Variants in EXOC1 observed in about 807,000 individuals in gnomAD.
EXOC1 encodes SEC3-like 1.
In EXOC1, 67 loss-of-function variants were observed where a neutral mutation model predicts 107.7. That is an observed-to-expected ratio of 0.62 (90% CI 0.51 to 0.76). The LOEUF (loss-of-function observed/expected upper bound fraction) is 0.76, where lower values mean the gene tolerates loss of function less well. Ranked by LOEUF, EXOC1 falls within the 30% of genes least tolerant of loss-of-function variation. The pLI is 0.00. For synonymous variants in EXOC1, 348 were observed against 353.5 expected, an observed-to-expected ratio of 0.98 and a Z score of 0.17; for missense variants, 833 against 1,055.7, an observed-to-expected ratio of 0.79 and a Z score of 2.92.
At chr4:55,888,742 T>C in intron 10 of EXOC1, 146 bp from the exon 11 acceptor site, 1 of 724,418 alleles carries the variant, frequency 1.4e-6, no homozygotes, top group Non-Finnish European at 2.4e-6. Flanking sequence ...TAAACATGTG[T>C]TTGCACTTCT....
At chr4:55,885,010 G>C (rs1723733885) in intron 10 of EXOC1, among the ~76,000 whole-genome samples, 1 of 152,158 alleles carries the variant, frequency 6.6e-6, no homozygotes, top group East Asian at 1.9e-4. Context: ...TCTTGGGACA[G>C]TAGGCTTTCG....
chr4:55,877,360 T>A (rs1216110678), intron 8 of EXOC1: 4 of 984,808 alleles, frequency 4.1e-6, no homozygotes, highest in Non-Finnish European at 4.8e-6. Context: ...TGCCTTTTGC[T>A]TGTTGTTGGG....
At chr4:55,867,141 A>G (rs1489380542) in intron 4 of EXOC1, among the ~76,000 whole-genome samples, 1 of 152,228 alleles carries the variant, frequency 6.6e-6, no homozygotes, top group Non-Finnish European at 1.5e-5. Context: ...GGACCTGTAC[A>G]GAATGATTTG....
chr4:55,864,166 T>C lies in EXOC1; in HGVS notation c.256-61T>C, dbSNP rs112931291. Reference sequence around the variant, plus strand: ...ACAGCGTAAATGCCTATGCAGATTTTACATTAACAATGTAAAAGGATGTGA... The same window carrying C: ...ACAGCGTAAATGCCTATGCAGATTTCACATTAACAATGTAAAAGGATGTGA... On this transcript the variant is annotated intron_variant, in intron 3 of 18. Coordinates refer to ENST00000381295, the MANE Select transcript of EXOC1 (RefSeq NM_001024924.2). 7 of 1,152,866 alleles carry C rather than the reference T, an allele frequency of 6.1e-6. No individual in the cohort carries two copies. The African/African-American group carries it at 1.1e-4, about 18-fold the overall frequency. 71.4% of individuals were successfully genotyped at this position (1,152,866 alleles called of 1,614,324 possible). A position where few individuals can be genotyped will look rare whatever the true frequency, so the allele number is the denominator to read the frequency against.
At chr4:55,865,684 T>C (rs1442749565) in intron 4 of EXOC1, among the ~76,000 whole-genome samples, 1 of 152,204 alleles carries the variant, frequency 6.6e-6, no homozygotes, top group African/African-American at 2.4e-5. Flanking sequence ...ATGTTATTTA[T>C]TGTGTAAGGT....
intron 17 of EXOC1, among the ~76,000 whole-genome samples, chr4:55,900,955 C>T (rs1725829720): frequency 6.6e-6 from 1 of 152,156 alleles, no homozygotes; most frequent in African/African-American, 2.4e-5. Flanking sequence ...TAATCAAATG[C>T]AGAACTAATT....
At chr4:55,873,520 G>A (rs1722629572) in intron 8 of EXOC1, among the ~76,000 whole-genome samples, 1 of 152,086 alleles carries the variant, frequency 6.6e-6, no homozygotes, top group African/African-American at 2.4e-5. Context: ...GTAAACAATA[G>A]TCTTTTCTGT....
At chr4:55,859,958 G>A (rs868306334) in intron 2 of EXOC1, among the ~76,000 whole-genome samples, 2 of 152,182 alleles carry the variant, frequency 1.3e-5, no homozygotes, top group African/African-American at 4.8e-5. Context: ...AGTGGCTCAT[G>A]CCTGTAATTC....
At chr4:55,861,328 C>T (rs889455400) in intron 3 of EXOC1, among the ~76,000 whole-genome samples, 2 of 152,094 alleles carry the variant, frequency 1.3e-5, no homozygotes, top group Non-Finnish European at 2.9e-5. Context: ...AATAGCAAGG[C>T]TTATACTAGT....
intron 15 of EXOC1, among the ~76,000 whole-genome samples, chr4:55,894,477 T>A (rs866402271): frequency 6.6e-6 from 1 of 152,040 alleles, no homozygotes; most frequent in African/African-American, 2.4e-5. Context: ...ATTTGATTAT[T>A]TTAATTATTT....
At chr4:55,867,507 A>G (rs1722060679) in intron 4 of EXOC1, among the ~76,000 whole-genome samples, 2 of 150,284 alleles carry the variant, frequency 1.3e-5, no homozygotes, top group African/African-American at 4.9e-5. Flanking sequence ...GATTTCTTTC[A>G]TTTTACCTCC....
rs756778427 is a variant in EXOC1 at position 55,858,455 on chromosome 4, T to C, written c.124+8T>C. The C allele has an allele frequency of 2.5e-6, 4 of 1,579,608 alleles. No individual in the cohort carries two copies. The South Asian group carries it at 4.8e-5, about 19-fold the overall frequency. On this transcript the variant is annotated splice_region_variant and intron_variant, in intron 2 of 18. Transcript: ENST00000381295. ...GTTTTTTATGTGCCACAGGTGGGTATTTAGTAAGAAAGAGTACTTGTTTTG... is the reference window on the plus strand; with the variant it reads ...GTTTTTTATGTGCCACAGGTGGGTACTTAGTAAGAAAGAGTACTTGTTTTG...
At chr4:55,862,956 G>A (rs554270387) in intron 3 of EXOC1, among the ~76,000 whole-genome samples, 50 of 152,060 alleles carry the variant, frequency 3.3e-4, no homozygotes, top group African/African-American at 9.2e-4. Flanking sequence ...GCTGGAGTGC[G>A]GTGGCACAAT....
rs1054227606 is a variant in EXOC1, at chr4:55,902,523, A to C, written c.2517A>C (p.Glu839Asp). 4.6e-6 allele frequency: 7 copies of C among 1,519,178 alleles called. No individual in the cohort carries two copies. Among genetic ancestry groups the C allele is most frequent in the Non-Finnish European group, 6.1e-6 (7 of 1,140,008 alleles). The allele number at this position is 1,519,178 out of a possible 1,614,324, so 94.1% of individuals were successfully genotyped here. A position where few individuals can be genotyped will look rare whatever the true frequency, so the allele number is the denominator to read the frequency against. Residue 839 changes from glutamate (E) to aspartate (D), a missense_variant, in exon 18 of 19, where the codon GAA becomes GAC. Glu to Asp is a conservative substitution (Grantham distance 45). Around this residue, in one of 2 missense-constraint regions of EXOC1, gnomAD observed 216 missense variants for 354.4 expected, o/e 0.61. Transcript: ENST00000381295. ...AAGTTGATAAACATTTATGTGAAGA[A>C]GAGAACTTACTTCAGGTATGCTTAC... ...YKKVDKHLCE[E>D]ENLLQVVWHS...
chr4:55,899,697 CA>C lies in EXOC1; in HGVS notation c.2153del (p.Asn718MetfsTer12), dbSNP rs1316484238. On this transcript the variant is annotated frameshift_variant, in exon 17 of 19. Transcript: ENST00000381295. LOFTEE classifies it high-confidence loss of function. ...GTTTTGGTTTTAGTGGAGAAAGTAG[CA>C]AATGAAAGCCAGAAGACCCCCAGGG... ...RGVFVNVEKV[A>X]NESQKTPRDV... 1 of 1,609,552 alleles carries C rather than the reference CA, an allele frequency of 6.2e-7. No homozygotes were observed. Among genetic ancestry groups the C allele is most frequent in the African/African-American group, 1.3e-5 (1 of 74,534 alleles).
Position 55,870,891 on chromosome 4 carries a change from A to G in EXOC1, c.817A>G (p.Ile273Val). ...NTNNVKLLSE[I>V]EFLVNHMDLA... The stretch of plus-strand genomic sequence containing the variant: ...TAATAATGTAAAACTCCTATCTGAG[A>G]TAGAGTTCCTTGTGGTAAGTATGAT... Residue 273 changes from isoleucine to valine, a missense_variant, in exon 6 of 19, where the codon ATA becomes GTA. Physicochemically the swap from Ile to Val is conservative, Grantham distance 29. Coordinates refer to ENST00000381295, the MANE Select transcript of EXOC1 (RefSeq NM_001024924.2). The G allele has an allele frequency of 6.2e-7, 1 of 1,613,128 alleles. No homozygotes were observed. The highest frequency in any genetic ancestry group is 8.5e-7 in the Non-Finnish European group (1 of 1,179,338).
chr4:55,868,613 C>T (rs1302889669), intron 5 of EXOC1, 90 bp downstream of exon 5: 1 of 1,162,064 alleles, frequency 8.6e-7, no homozygotes, highest in African/African-American at 1.5e-5. Flanking sequence ...AGCACTTAAG[C>T]CTTTATAGTG....
At chr4:55,868,664 C>T (rs1722165302) in intron 5 of EXOC1, 141 bp downstream of exon 5, 2 of 607,546 alleles carry the variant, frequency 3.3e-6, no homozygotes, top group Admixed American at 7.3e-5. Context: ...TACCAGCTGC[C>T]ATCAGTCTTT....
At chr4:55,871,709 G>A in intron 7 of EXOC1, 140 bp from the exon 8 acceptor site, 1 of 655,754 alleles carries the variant, frequency 1.5e-6, no homozygotes, top group Non-Finnish European at 2.6e-6. Flanking sequence ...TTTTTCTCCT[G>A]CTTAACTTTT....
Sources: allele counts gnomAD v4.1 joint callset (sites outside exome capture counted in the v4.1 genomes callset), GRCh38; gene constraint gnomAD v4.1.1; regional missense constraint gnomAD v4.1.1; transcripts MANE v1.5; gene names NCBI Gene and HGNC (gene_info 2026-07-23, HGNC 2026-07-21).